DNAH8: variants seen among roughly 807,000 people sequenced by gnomAD.
The protein encoded by DNAH8 is axonemal beta dynein heavy chain 8.
In DNAH8, 382 loss-of-function variants were observed where a neutral mutation model predicts 562.1. The ratio of observed to expected loss-of-function variants is 0.68; its 90% CI spans 0.63 to 0.74. The LOEUF is 0.74. Ranked by LOEUF, DNAH8 falls within the 30% of genes least tolerant of loss-of-function variation. DNAH8 has a pLI of 0.00. For synonymous variants in DNAH8, 1,881 were observed against 1,919.4 expected (o/e 0.98, Z 0.52); for missense variants, 5,203 against 5,620.4 (o/e 0.93, Z 2.37).
chr6:38,730,123 T>C, intron 4 of DNAH8, 137 bp downstream of exon 4: 1 of 558,932 alleles, frequency 1.8e-6, no homozygotes, highest in East Asian at 3.0e-5. Context: ...AGAAATATAG[T>C]GTCTCAAGAA....
At chr6:38,903,456 A>G (rs1051916155) in intron 62 of DNAH8, among the ~76,000 whole-genome samples, 6 of 152,054 alleles carry the variant, frequency 3.9e-5, no homozygotes, top group Admixed American at 3.3e-4. Flanking sequence ...GTGCTAAGCC[A>G]TTCATGAGGG....
chr6:38,874,684 C>G (rs993703619), intron 52 of DNAH8, among the ~76,000 whole-genome samples: 1 of 152,020 alleles, frequency 6.6e-6, no homozygotes, highest in African/African-American at 2.4e-5. Context: ...TCTTTATTTC[C>G]TACTCGGTTT....
chr6:38,875,685 T>C lies in DNAH8; in HGVS notation c.7715T>C (p.Met2572Thr). Residue 2572 changes from methionine (M) to threonine (T), a missense_variant, in exon 53 of 93, where the codon ATG (methionine) becomes ACG (threonine). Physicochemically the swap from Met to Thr is moderately conservative, Grantham distance 81 (BLOSUM62 -1). Around this residue, in one of 6 missense-constraint regions of DNAH8, gnomAD observed 977 missense variants for 1,061.8 expected, o/e 0.92. Coordinates refer to ENST00000327475, the MANE Select transcript of DNAH8 (RefSeq NM_001206927.2). The stretch of plus-strand genomic sequence containing the variant: ...CATAAATTATTTGTGTTTGGCCTAA[T>C]GTGGAGTTTAGGAGCCCTTCTGGAA... ...HLHKLFVFGL[M>T]WSLGALLELE... The C allele has an allele frequency of 1.2e-6, 2 of 1,613,850 alleles. No individual in the cohort carries two copies. Among genetic ancestry groups the C allele is most frequent in the Non-Finnish European group, 1.7e-6 (2 of 1,179,790 alleles).
At chr6:38,733,280 T>G (rs75378415) in intron 4 of DNAH8, among the ~76,000 whole-genome samples, 38,384 of 151,864 alleles carry the variant, frequency 0.25, 5,786 homozygotes, top group Non-Finnish European at 0.35. Flanking sequence ...TGTGACCAAC[T>G]ATCTAACATA....
Position 38,907,331 on chromosome 6 carries a change from T to G in DNAH8, c.9349-625T>G, listed in dbSNP as rs191206726. On this transcript the variant is annotated intron_variant, in intron 63 of 92. Coordinates refer to ENST00000327475, the MANE Select transcript of DNAH8 (RefSeq NM_001206927.2). ...CTTGAGATTCAGAGTCCAGTGGTTT[T>G]TTTTTAGGTTTGGTCACTTCCTGCC... is the stretch of plus-strand genomic sequence containing the variant. Among the ~76,000 whole-genome samples the G allele has an allele frequency of 7.4e-4, 113 of 152,354 alleles. 1 individual carries two copies. The highest frequency in any genetic ancestry group is 2.5e-3 in the African/African-American group (106 of 41,584).
At chr6:38,723,595 C>T in intron 3 of DNAH8, 124 bp downstream of exon 3, 1 of 1,263,552 alleles carries the variant, frequency 7.9e-7, no homozygotes, top group Non-Finnish European at 1.1e-6. Context: ...AAAGTTGGGG[C>T]AGGGCACAGT....
chr6:38,968,855 T>C (rs1484411697), intron 82 of DNAH8, among the ~76,000 whole-genome samples: 4 of 152,160 alleles, frequency 2.6e-5, no homozygotes, highest in Non-Finnish European at 4.4e-5. Flanking sequence ...GCAGCATTAC[T>C]CATACTAGCT....
chr6:38,793,366 G>A (rs1484110904), intron 21 of DNAH8, among the ~76,000 whole-genome samples: 1 of 151,724 alleles, frequency 6.6e-6, no homozygotes, highest in Non-Finnish European at 1.5e-5. Context: ...AGTTTAAGAT[G>A]ATTATATCTT....
rs753327654 is a variant in DNAH8 at position 38,868,119 on chromosome 6, C to CA, written c.6757dup (p.Arg2253LysfsTer7). On this transcript the variant is annotated frameshift_variant, in exon 48 of 93. Transcript: ENST00000327475. LOFTEE classifies it high-confidence loss of function. ...GTCTGTATTGAGGACTCTTGGATCT[C>CA]AAAAAAGAGCCAGACCAGAAGATAG... 5 of 1,613,584 alleles carry CA rather than the reference C, an allele frequency of 3.1e-6. No individual in the cohort carries two copies. Among genetic ancestry groups the CA allele is most frequent in the Non-Finnish European group, 4.2e-6 (5 of 1,179,736 alleles).
rs1777555506 is a variant in DNAH8, at chr6:38,872,628, G to A, written c.7083G>A (p.Ala2361=). Residue 2361 remains alanine (A), a synonymous_variant, in exon 50 of 93, where the codon GCG becomes GCA. Transcript: ENST00000327475. ...CCGTTATCACGATTCTAATGAAGGC[G>A]CAAACAGAATGCGGAAGGCCTCATA... is the stretch of plus-strand genomic sequence containing the variant. ...KTTVITILMK[A]QTECGRPHRE... is the part of the protein sequence containing the mutation. The A allele has an allele frequency of 5.0e-6, 8 of 1,613,958 alleles. No homozygotes were observed. Among genetic ancestry groups the A allele is most frequent in the African/African-American group, 2.7e-5 (2 of 74,912 alleles).
At chr6:38,828,365 A>C in intron 30 of DNAH8, 77 bp downstream of exon 30, 6 of 792,368 alleles carry the variant, frequency 7.6e-6, no homozygotes, top group Non-Finnish European at 1.2e-5. Context: ...TACCTTTTTA[A>C]AGCTTAATAT....
At chr6:38,909,807 C>A in intron 65 of DNAH8, 63 bp downstream of exon 65, 2 of 1,270,348 alleles carry the variant, frequency 1.6e-6, no homozygotes, top group Non-Finnish European at 2.3e-6. Flanking sequence ...AAGAGGAATG[C>A]ATTGTAACAT....
At chr6:39,029,126 C>T (rs937016018) in intron 92 of DNAH8, among the ~76,000 whole-genome samples, 1 of 152,294 alleles carries the variant, frequency 6.6e-6, no homozygotes, top group African/African-American at 2.4e-5. Context: ...AGTTTAAACT[C>T]TTCAGCTTAG....
intron 85 of DNAH8, among the ~76,000 whole-genome samples, chr6:38,980,315 A>G (rs1366921591): frequency 6.6e-6 from 1 of 152,196 alleles, no homozygotes; most frequent in East Asian, 1.9e-4. Flanking sequence ...AACATCTTAA[A>G]AAACCCACAA....
chr6:38,882,754 G>A (rs1192762798), intron 53 of DNAH8, among the ~76,000 whole-genome samples, 156 bp from the exon 54 acceptor site: 2 of 152,124 alleles, frequency 1.3e-5, no homozygotes, highest in Non-Finnish European at 2.9e-5. Flanking sequence ...AAATGCTGTA[G>A]ACATAAGATA....
intron 1 of DNAH8, among the ~76,000 whole-genome samples, chr6:38,716,070 T>C (rs1385101320): frequency 3.4e-5 from 5 of 149,092 alleles, no homozygotes; most frequent in Admixed American, 6.7e-5. Flanking sequence ...GCCATTCTCC[T>C]GCCTCAGCCT....
chr6:38,787,313 C>T (rs1025341834), intron 18 of DNAH8, among the ~76,000 whole-genome samples: 13 of 151,912 alleles, frequency 8.6e-5, no homozygotes, highest in Admixed American at 2.6e-4. Context: ...GGTGACTATA[C>T]AATACAAGTA....
At chr6:38,929,689 A>AT in intron 75 of DNAH8, 23 bp downstream of exon 75, 2 of 1,497,188 alleles carry the variant, frequency 1.3e-6, no homozygotes, top group Non-Finnish European at 1.8e-6. Flanking sequence ...AAAAAAAAAA[A>AT]AAAGAAAGAA....
At chr6:38,804,279 C>G (rs375571779) in intron 22 of DNAH8, among the ~76,000 whole-genome samples, 1 of 152,150 alleles carries the variant, frequency 6.6e-6, no homozygotes, top group Non-Finnish European at 1.5e-5. Flanking sequence ...TTTAAGAACA[C>G]GGGACTTTTA....
Sources: gnomAD v4.1 joint callset for allele counts (sites outside exome capture counted in the v4.1 genomes callset) on GRCh38, gnomAD v4.1.1 for gene constraint, gnomAD v4.1.1 regional missense constraint, MANE v1.5 for transcripts, NCBI Gene and HGNC (gene_info 2026-07-23, HGNC 2026-07-21) for gene names.